Variants in SLC25A42 observed in about 807,000 individuals in gnomAD.
SLC25A42 encodes the protein mitochondrial coenzyme A transporter SLC25A42.
In SLC25A42, 19 loss-of-function variants were observed where a neutral mutation model predicts 34.7. That is an observed-to-expected ratio of 0.55 (90% CI 0.38 to 0.80). The LOEUF (loss-of-function observed/expected upper bound fraction) is 0.80, where lower values mean the gene tolerates loss of function less well. Ranked by LOEUF, SLC25A42 falls within the 30% of genes least tolerant of loss-of-function variation. The pLI, the probability that SLC25A42 is intolerant of heterozygous loss-of-function variation, is 0.00. For missense variants in SLC25A42, 364 were observed against 441.3 expected (o/e 0.82, Z 1.57); for synonymous variants, 205 against 191.2 (o/e 1.07, Z -0.59).
intron 1 of SLC25A42, among the ~76,000 whole-genome samples, chr19:19,071,298 C>T (rs1475656581): frequency 6.6e-6 from 1 of 152,156 alleles, no homozygotes; most frequent in Non-Finnish European, 1.5e-5. Context: ...TAAGCCGCCA[C>T]GCCCAGCTCC....
At chr19:19,070,237 C>T (rs950790740) in intron 1 of SLC25A42, among the ~76,000 whole-genome samples, 4 of 151,386 alleles carry the variant, frequency 2.6e-5, no homozygotes, top group Non-Finnish European at 4.4e-5. Context: ...CCTTGTGATC[C>T]GCCTGCCTCG....
At chr19:19,067,633 A>G (rs1163780543) in intron 1 of SLC25A42, among the ~76,000 whole-genome samples, 1 of 152,032 alleles carries the variant, frequency 6.6e-6, no homozygotes, top group Admixed American at 6.6e-5. Context: ...GCTTGTCCCT[A>G]TAGCAGGGAG....
intron 2 of SLC25A42, among the ~76,000 whole-genome samples, chr19:19,101,151 G>A (rs1010845877): frequency 6.6e-6 from 1 of 152,130 alleles, no homozygotes; most frequent in South Asian, 2.1e-4. Flanking sequence ...GGAGGGCTGT[G>A]GGGGAGCAGG....
At chr19:19,097,322 C>A (rs936125873) in intron 2 of SLC25A42, among the ~76,000 whole-genome samples, 17 of 152,208 alleles carry the variant, frequency 1.1e-4, no homozygotes, top group African/African-American at 3.9e-4. Flanking sequence ...CGGGAGGACT[C>A]ATTCACCGGG....
In SLC25A42 at chr19:19,106,517, G is replaced by C. The variant is rs886657237; in HGVS notation, c.497+132G>C. 4.0e-5 allele frequency: 25 copies of C among 630,564 alleles called. No individual in the cohort carries two copies. The African/African-American group carries it at 4.1e-4, about 10-fold the overall frequency. 39.1% of individuals were successfully genotyped at this position (630,564 alleles called of 1,614,324 possible). On this transcript the variant is annotated intron_variant, in intron 6 of 7. Coordinates refer to ENST00000318596, the MANE Select transcript of SLC25A42 (RefSeq NM_178526.5). ...GCCTCCGTGTCCACAGGGCAGGCCT[G>C]ATGTGTCATTCTGCAGCTGTTCCAG...
intron 1 of SLC25A42, among the ~76,000 whole-genome samples, chr19:19,075,637 A>T (rs1198797054): frequency 6.6e-6 from 1 of 152,220 alleles, no homozygotes; most frequent in Non-Finnish European, 1.5e-5. Context: ...CTACCCCAGC[A>T]CAGCATACGA....
At chr19:19,067,258 T>C (rs533219205) in intron 1 of SLC25A42, among the ~76,000 whole-genome samples, 1 of 152,212 alleles carries the variant, frequency 6.6e-6, no homozygotes, top group East Asian at 1.9e-4. Context: ...GATTAAACAT[T>C]AGACTTGTTT....
At chr19:19,090,112 T>A (rs1292935952) in intron 1 of SLC25A42, among the ~76,000 whole-genome samples, 1 of 152,188 alleles carries the variant, frequency 6.6e-6, no homozygotes, top group Non-Finnish European at 1.5e-5. Flanking sequence ...ATCTTTGAAC[T>A]TGTGAGTGAG....
rs140268593 is a variant in SLC25A42, at chr19:19,102,315, G to A, written c.187+429G>A. Reference sequence around the variant, plus strand: ...TGAGCCACCGCCCCCGGCCAGAAATGAGGTTTTTCTCTGTTGCCCAGGCTG... The same window carrying A: ...TGAGCCACCGCCCCCGGCCAGAAATAAGGTTTTTCTCTGTTGCCCAGGCTG... On this transcript the variant is annotated intron_variant, in intron 3 of 7. Transcript: ENST00000318596. Among the ~76,000 whole-genome samples, 27 of 152,062 alleles carry A rather than the reference G, an allele frequency of 1.8e-4. No individual in the cohort carries two copies. The East Asian group carries it at 5.0e-3, about 28-fold the overall frequency.
intron 1 of SLC25A42, among the ~76,000 whole-genome samples, chr19:19,074,744 TGTGTGAGCGA>T (rs1309024368): frequency 3.3e-5 from 5 of 151,946 alleles, no homozygotes; most frequent in African/African-American, 1.2e-4. Context: ...TGTGAGTGTA[TGTGTGAGCGA>T]GTGTGAGTGT....
intron 1 of SLC25A42, among the ~76,000 whole-genome samples, chr19:19,071,896 A>G (rs2059632008): frequency 6.6e-6 from 1 of 152,120 alleles, no homozygotes; most frequent in South Asian, 2.1e-4. Context: ...AAATAAAAAT[A>G]AAGGGATGTT....
intron 1 of SLC25A42, among the ~76,000 whole-genome samples, chr19:19,064,589 C>CT (rs772920261): frequency 4.0e-5 from 6 of 151,504 alleles, no homozygotes; most frequent in Non-Finnish European, 5.9e-5. Context: ...CCCCCACTGC[C>CT]TTTCCTCATA....
At chr19:19,086,610 ATGT>A (rs1245452253) in intron 1 of SLC25A42, among the ~76,000 whole-genome samples, 2 of 151,960 alleles carry the variant, frequency 1.3e-5, no homozygotes, top group Non-Finnish European at 2.9e-5. Context: ...CGTATACAAC[ATGT>A]TGTGTGGTTT....
Position 19,092,126 on chromosome 19 carries a change from C to T in SLC25A42, c.-34-3965C>T, listed in dbSNP as rs147919886. 2.5e-3 allele frequency among the ~76,000 whole-genome samples: 377 copies of T among 152,358 alleles called. 6 individuals are homozygous for T. Among genetic ancestry groups the T allele is most frequent in the Admixed American group, 0.017 (253 of 15,302 alleles). The stretch of plus-strand genomic sequence containing the variant: ...TCCAGGCCTCATCCTCAACCCTCCC[C>T]ACTGTGTCTGTGTCTCCTACTCTGT... On this transcript the variant is annotated intron_variant, in intron 1 of 7. Transcript: ENST00000318596.
rs2059681038 is a variant in SLC25A42 at position 19,081,342 on chromosome 19, G to A, written c.-34-14749G>A. The stretch of plus-strand genomic sequence containing the variant: ...TGGCAGGGGGTGATGATGAGAGGAA[G>A]TGACACCCCAACAACAGAACCTGGA... On this transcript the variant is annotated intron_variant, in intron 1 of 7. Coordinates refer to ENST00000318596, the MANE Select transcript of SLC25A42 (RefSeq NM_178526.5). The surrounding 1 kb of genome is among the most constrained non-coding windows in gnomAD (Gnocchi z 4.5). 6.6e-6 allele frequency among the ~76,000 whole-genome samples: 1 copy of A among 152,020 alleles called. No individual in the cohort carries two copies. Among genetic ancestry groups the A allele is most frequent in the Admixed American group, 6.6e-5 (1 of 15,258 alleles).
intron 1 of SLC25A42, among the ~76,000 whole-genome samples, chr19:19,095,590 G>GT (rs1351469515): frequency 6.6e-6 from 1 of 152,222 alleles, no homozygotes; most frequent in African/African-American, 2.4e-5. Context: ...TCCAGCCTGG[G>GT]TGACAGAGTG....
chr19:19,106,227 C>T, intron 5 of SLC25A42, 42 bp from the exon 6 acceptor site: 3 of 1,548,450 alleles, frequency 1.9e-6, no homozygotes, highest in Non-Finnish European at 2.6e-6. Flanking sequence ...GCATCTGCAA[C>T]CCCCTCACTG....
chr19:19,074,833 T>C (rs2059648298), intron 1 of SLC25A42, among the ~76,000 whole-genome samples: 2 of 152,026 alleles, frequency 1.3e-5, no homozygotes, highest in Admixed American at 1.3e-4. Context: ...TGCTTGGGTT[T>C]GAAATTGCCT....
In SLC25A42 at chr19:19,106,392, C is replaced by T. The variant is rs372229409; in HGVS notation, c.497+7C>T. 2.4e-4 allele frequency: 383 copies of T among 1,606,660 alleles called. No homozygotes were observed. Among genetic ancestry groups the T allele is most frequent in the Non-Finnish European group, 3.2e-4 (379 of 1,174,516 alleles). On this transcript the variant is annotated splice_region_variant and intron_variant, in intron 6 of 7. Coordinates refer to ENST00000318596, the MANE Select transcript of SLC25A42 (RefSeq NM_178526.5). ...CCGTAACCCCGAAGGAAATGTGAGT[C>T]CTTACATCGGTGATGCGCATCAGCC...
Sources: gnomAD v4.1 joint callset for allele counts (sites outside exome capture counted in the v4.1 genomes callset) on GRCh38, gnomAD v4.1.1 for gene constraint, Gnocchi (gnomAD v3.1) non-coding constraint, MANE v1.5 for transcripts, NCBI Gene and HGNC (gene_info 2026-07-23, HGNC 2026-07-21) for gene names.